Variants in ARAP1 observed in about 807,000 individuals in gnomAD.
ARAP1 encodes ArfGAP with RhoGAP domain, ankyrin repeat and PH domain 1.
In ARAP1, 76 loss-of-function variants were observed where a neutral mutation model predicts 172.2. The observed-to-expected ratio is 0.44, with a 90% CI of 0.37 to 0.53. The LOEUF (loss-of-function observed/expected upper bound fraction) is 0.53. Among genes scored for constraint, ARAP1 ranks in the 20% least tolerant of loss-of-function variants. The probability of loss-of-function intolerance (pLI) is 0.00; values close to 1 mark genes in which losing one functional copy is unlikely to be tolerated. For missense variants in ARAP1, 1,686 were observed against 1,977.5 expected (o/e 0.85, Z 2.80); for synonymous variants, 804 against 803.3 (o/e 1.00, Z -0.01).
intron 2 of ARAP1, among the ~76,000 whole-genome samples, chr11:72,731,071 A>G (rs918491531): frequency 1.3e-4 from 20 of 152,364 alleles, no homozygotes; most frequent in African/African-American, 4.8e-4. Flanking sequence ...TGGTAAATGA[A>G]CAAAGTATCT....
At chr11:72,689,275 G>A (rs766798542) in intron 30 of ARAP1, among the ~76,000 whole-genome samples, 4 of 152,204 alleles carry the variant, frequency 2.6e-5, no homozygotes, top group Admixed American at 6.5e-5. Context: ...AGGCTGGCTC[G>A]GAGGCAGAGG....
Position 72,752,398 on chromosome 11 carries a change from CA to C in ARAP1, c.-199del, listed in dbSNP as rs1278280250. On this transcript the variant is annotated 5_prime_UTR_variant, in exon 1 of 35. Coordinates refer to ENST00000393609, the MANE Select transcript of ARAP1 (RefSeq NM_001040118.3). ...CGCCACCGACTTACACCGCCACCGC[CA>C]AATTGCAGCAAGGGGCCGGGCGCGC... 2 of 152,492 alleles carry C rather than the reference CA, an allele frequency of 1.3e-5. No individual in the cohort carries two copies. The highest frequency in any genetic ancestry group is 4.8e-5 in the African/African-American group (2 of 41,448). 9.4% of individuals were successfully genotyped at this position (152,492 alleles called of 1,614,324 possible).
chr11:72,745,906 C>A (rs111331061), intron 1 of ARAP1, among the ~76,000 whole-genome samples: 1 of 152,164 alleles, frequency 6.6e-6, no homozygotes, highest in Non-Finnish European at 1.5e-5. Context: ...CAGGCCCAGA[C>A]AGCACGGGAA....
intron 2 of ARAP1, among the ~76,000 whole-genome samples, chr11:72,730,380 C>T (rs1216280262): frequency 6.6e-6 from 1 of 152,210 alleles, no homozygotes; most frequent in Admixed American, 6.5e-5. Context: ...TGTGGTAGGG[C>T]ATCCCTTCCC....
rs181039780 is a variant in ARAP1 at position 72,696,268 on chromosome 11, G to A, written c.3272+281C>T. 1.4e-3 allele frequency among the ~76,000 whole-genome samples: 210 copies of A among 152,304 alleles called. 1 individual carries two copies. Among genetic ancestry groups the A allele is most frequent in the African/African-American group, 4.9e-3 (203 of 41,548 alleles). On this transcript the variant is annotated intron_variant, in intron 23 of 34. Coordinates refer to ENST00000393609, the MANE Select transcript of ARAP1 (RefSeq NM_001040118.3). ...CGATCCTTTGAGAATCTAATGCCGC[G>A]GCTGATCTGACAGGAGGCAGAGCTC... is the stretch of plus-strand genomic sequence containing the variant.
Position 72,734,014 on chromosome 11 carries a change from C to T in ARAP1, c.-127-1417G>A, listed in dbSNP as rs61083756. On this transcript the variant is annotated intron_variant, in intron 1 of 34. Coordinates refer to ENST00000393609, the MANE Select transcript of ARAP1 (RefSeq NM_001040118.3). ...CTAATTTTTGTATTTTTAGTAGAGA[C>T]GTGGTTTTGCCATGTTGGCCAGGCT... Among the ~76,000 whole-genome samples, 1,153 of 152,158 alleles carry T rather than the reference C, an allele frequency of 7.6e-3. 18 individuals are homozygous for T. The highest frequency in any genetic ancestry group is 0.026 in the African/African-American group (1,081 of 41,484).
In ARAP1 at chr11:72,711,462, T is replaced by C; in HGVS notation, c.1060A>G (p.Thr354Ala). ...CTGTCAAAGTATCGCAGGTGATCAG[T>C]ATCCAGTCTCACCCATCGTTTCTGA... ...IYQKRWVRLD[T>A]DHLRYFDSNK... The change falls in exon 8 of 35, where the codon ACT becomes GCT. Residue 354 changes from threonine (T) to alanine (A), a missense_variant. Coordinates refer to ENST00000393609, the MANE Select transcript of ARAP1 (RefSeq NM_001040118.3). The C allele has an allele frequency of 6.2e-7, 1 of 1,613,198 alleles. No individual in the cohort carries two copies. The highest frequency in any genetic ancestry group is 8.5e-7 in the Non-Finnish European group (1 of 1,179,256).
At chr11:72,742,294 G>A (rs188158653) in intron 1 of ARAP1, among the ~76,000 whole-genome samples, 39 of 152,282 alleles carry the variant, frequency 2.6e-4, no homozygotes, top group African/African-American at 7.9e-4. Flanking sequence ...ACAAAAGGTC[G>A]TGTTTATGCA....
rs1029214869 is a variant in ARAP1 at position 72,726,243 on chromosome 11, G to A, written c.509+377C>T. ...CCTACACATGTTGCCTCTTGATGCC[G>A]GCATGGACCCCGATACCCTGCAGTA... On this transcript the variant is annotated intron_variant, in intron 3 of 34. Transcript: ENST00000393609. The surrounding 1 kb of genome is among the most constrained non-coding windows in gnomAD (Gnocchi z 6.5). 4.0e-5 allele frequency among the ~76,000 whole-genome samples: 6 copies of A among 151,764 alleles called. No individual in the cohort carries two copies. Among genetic ancestry groups the A allele is most frequent in the African/African-American group, 7.3e-5 (3 of 41,268 alleles).
At chr11:72,751,969 C>T (rs1366676251) in intron 1 of ARAP1, among the ~76,000 whole-genome samples, 1 of 152,218 alleles carries the variant, frequency 6.6e-6, no homozygotes, top group Non-Finnish European at 1.5e-5. Flanking sequence ...GGCATAGGGT[C>T]GTACAGATCT....
At chr11:72,709,696 G>C (rs999366445) in intron 11 of ARAP1, 174 bp downstream of exon 11, 1 of 688,802 alleles carries the variant, frequency 1.5e-6, no homozygotes, top group Non-Finnish European at 2.6e-6. Context: ...CTCTCAGGAG[G>C]GAAGGAGATC....
chr11:72,691,255 T>G (rs1205590162), intron 30 of ARAP1, among the ~76,000 whole-genome samples: 1 of 152,230 alleles, frequency 6.6e-6, no homozygotes, highest in African/African-American at 2.4e-5. Context: ...TGTCTCAGTA[T>G]GTGAAGGGCC....
In ARAP1 at chr11:72,695,520, C is replaced by G; in HGVS notation, c.3507+22G>C. 1 of 1,614,144 alleles carries G rather than the reference C, an allele frequency of 6.2e-7. No homozygotes were observed. Among genetic ancestry groups the G allele is most frequent in the Non-Finnish European group, 8.5e-7 (1 of 1,180,028 alleles). On this transcript the variant is annotated intron_variant, in intron 25 of 34. Transcript: ENST00000393609. This position sits in a 1 kb window ranked among gnomAD's most constrained non-coding sequence, Gnocchi z 4.4. The stretch of plus-strand genomic sequence containing the variant: ...GGTGCAGGTGGCAGGTCCAAGCCCC[C>G]CACCCAGGCTCCAGCCTTCACCTGG...
At chr11:72,751,029 G>T (rs1328304547) in intron 1 of ARAP1, among the ~76,000 whole-genome samples, 1 of 152,160 alleles carries the variant, frequency 6.6e-6, no homozygotes, top group Non-Finnish European at 1.5e-5. Context: ...GGGGTATAAA[G>T]CTGGGGTTGA....
chr11:72,729,129 A>G (rs1227120766), intron 2 of ARAP1, among the ~76,000 whole-genome samples: 2 of 152,372 alleles, frequency 1.3e-5, no homozygotes, highest in South Asian at 2.1e-4. Context: ...ACCCAAATAC[A>G]TATACAAATT....
Position 72,692,640 on chromosome 11 carries a change from G to C in ARAP1, c.3987+113C>G, listed in dbSNP as rs1044270364. 16 of 1,404,720 alleles carry C rather than the reference G, an allele frequency of 1.1e-5. No individual in the cohort carries two copies. The African/African-American group carries it at 2.3e-4, about 20-fold the overall frequency. 87.0% of individuals were successfully genotyped at this position (1,404,720 alleles called of 1,614,324 possible). ...CCAGTGCCAACGGGCAAGGGGGCAG[G>C]GATCCATGCCTGGAGATGGCCAGGA... On this transcript the variant is annotated intron_variant, in intron 30 of 34. Coordinates refer to ENST00000393609, the MANE Select transcript of ARAP1 (RefSeq NM_001040118.3).
intron 3 of ARAP1, among the ~76,000 whole-genome samples, chr11:72,715,281 A>G (rs906292069): frequency 2.0e-5 from 3 of 152,250 alleles, no homozygotes; most frequent in Non-Finnish European, 4.4e-5. Context: ...GGCTGGAACA[A>G]GGTGCCTGAG....
intron 16 of ARAP1, among the ~76,000 whole-genome samples, chr11:72,701,361 A>G (rs1856477086): frequency 6.6e-6 from 1 of 152,184 alleles, no homozygotes; most frequent in Non-Finnish European, 1.5e-5. Context: ...TACCAGCCAC[A>G]GGCTCTTACT....
At chr11:72,724,595 CAT>C (rs904094541) in intron 3 of ARAP1, among the ~76,000 whole-genome samples, 7 of 152,178 alleles carry the variant, frequency 4.6e-5, no homozygotes, top group South Asian at 2.1e-4. Context: ...GGTATACACA[CAT>C]GAGGCTCCAT....
Sources: gnomAD v4.1 joint callset for allele counts (sites outside exome capture counted in the v4.1 genomes callset) on GRCh38, gnomAD v4.1.1 for gene constraint, Gnocchi (gnomAD v3.1) non-coding constraint, MANE v1.5 for transcripts, NCBI Gene and HGNC (gene_info 2026-07-23, HGNC 2026-07-21) for gene names.